FHAD1: variants seen among roughly 807,000 people sequenced by gnomAD.
FHAD1 encodes the protein forkhead associated phosphopeptide binding domain 1.
In FHAD1, 146 loss-of-function variants were observed where a neutral mutation model predicts 191.3. That is an observed-to-expected ratio of 0.76 (90% CI 0.67 to 0.88). The LOEUF is 0.88. FHAD1 is among the 40% of genes least tolerant of loss of function. The probability of loss-of-function intolerance (pLI) is 0.00; values close to 1 mark genes in which losing one functional copy is unlikely to be tolerated. For missense variants in FHAD1, 1,635 were observed against 1,785.8 expected, an observed-to-expected ratio of 0.92 and a Z score of 1.52; for synonymous variants, 616 against 672.3, an observed-to-expected ratio of 0.92 and a Z score of 1.29.
intron 26 of FHAD1, among the ~76,000 whole-genome samples, chr1:15,371,004 C>T (rs1697923534): frequency 1.3e-5 from 2 of 152,180 alleles, no homozygotes; most frequent in East Asian, 1.9e-4. Context: ...TCCTTGGCAT[C>T]GATTGCTGTC....
intron 2 of FHAD1, among the ~76,000 whole-genome samples, chr1:15,270,636 A>C (rs1406028248): frequency 2.6e-5 from 4 of 152,184 alleles, no homozygotes; most frequent in Admixed American, 2.6e-4. Context: ...AGTTGTCTAC[A>C]TGCAAGTACT....
Position 15,324,473 on chromosome 1 carries a change from G to A in FHAD1, c.1387G>A (p.Asp463Asn), listed in dbSNP as rs1558112206. The change falls in exon 11 of 34, where the codon GAT becomes AAT. Residue 463 changes from aspartate to asparagine, a missense_variant. Physicochemically the swap from Asp to Asn is conservative, Grantham distance 23 (BLOSUM62 1). Coordinates refer to ENST00000688493, the MANE Select transcript of FHAD1 (RefSeq NM_001391957.1). ...KSKVEEKLQE[D>N]SRRKLLQLQE... ...TCAGGTTGAAGAGAAGCTTCAGGAGGATTCCAGAAGGAAATTGCTTCAGCT... is the reference window on the plus strand; with the variant it reads ...TCAGGTTGAAGAGAAGCTTCAGGAGAATTCCAGAAGGAAATTGCTTCAGCT... The A allele has an allele frequency of 6.4e-7, 1 of 1,551,766 alleles. No homozygotes were observed. Among genetic ancestry groups the A allele is most frequent in the Non-Finnish European group, 8.7e-7 (1 of 1,146,628 alleles).
rs191781182 is a variant in FHAD1, at chr1:15,293,330, C to T, written c.569-3354C>T. 4.6e-5 allele frequency among the ~76,000 whole-genome samples: 7 copies of T among 152,304 alleles called. No individual in the cohort carries two copies. The East Asian group carries it at 1.3e-3, about 29-fold the overall frequency. On this transcript the variant is annotated intron_variant, in intron 4 of 33. Transcript: ENST00000688493. ...ATTAGAGACTCCTGTTCTAGATTCT[C>T]AAATACATGGAATCATGTAGTGTAT...
chr1:15,308,247 T>C lies in FHAD1; in HGVS notation c.916-366T>C, dbSNP rs79531854. On this transcript the variant is annotated intron_variant, in intron 6 of 33. Transcript: ENST00000688493. ...TAATTTTATAACATGCTTCCCTCTC[T>C]TGAACTTTGCTCTGTATCCAGTCAG... 5.3e-3 allele frequency among the ~76,000 whole-genome samples: 807 copies of C among 152,358 alleles called. 2 individuals are homozygous for C. Among genetic ancestry groups the C allele is most frequent in the Admixed American group, 8.0e-3 (122 of 15,304 alleles).
intron 33 of FHAD1, among the ~76,000 whole-genome samples, chr1:15,393,420 A>ACACACACG (rs1557469063): frequency 1.5e-5 from 2 of 133,694 alleles, no homozygotes; most frequent in African/African-American, 3.5e-5. Context: ...ATGTGGACAC[A>ACACACACG]CACACACACG....
At chr1:15,255,985 G>A (rs1273176418) in intron 2 of FHAD1, among the ~76,000 whole-genome samples, 1 of 152,194 alleles carries the variant, frequency 6.6e-6, no homozygotes, top group Non-Finnish European at 1.5e-5. Context: ...GCCTTGTGCA[G>A]AAACCAGGAG....
At chr1:15,375,535 C>T in intron 27 of FHAD1, 68 bp from the exon 28 acceptor site, 3 of 1,402,306 alleles carry the variant, frequency 2.1e-6, no homozygotes, top group Non-Finnish European at 2.8e-6. Context: ...TAAATAGTTG[C>T]TATGGTTATT....
At chr1:15,286,982 G>T (rs536364) in intron 3 of FHAD1, 2 of 152,046 alleles carry the variant, frequency 1.3e-5, no homozygotes, top group Non-Finnish European at 1.5e-5. Flanking sequence ...GAGTTTGCCC[G>T]CTGTCATCTT....
rs370553297 is a variant in FHAD1 at position 15,360,118 on chromosome 1, AAAC to A, written c.2737-345_2737-343del. ...ACAGAGCAAGACTCTGTCTCAAAAC[AAAC>A]AACAACAACAACAAAAAGTTTACAT... On this transcript the variant is annotated intron_variant, in intron 21 of 33. Transcript: ENST00000688493. Among the ~76,000 whole-genome samples, 704 of 152,308 alleles carry A rather than the reference AAAC, an allele frequency of 4.6e-3. 3 individuals carry two copies. Among genetic ancestry groups the A allele is most frequent in the Non-Finnish European group, 7.4e-3 (501 of 68,016 alleles).
chr1:15,243,634 G>A (rs373760293), upstream of FHAD1, among the ~76,000 whole-genome samples: 8 of 152,304 alleles, frequency 5.3e-5, no homozygotes, highest in Admixed American at 2.0e-4. Flanking sequence ...GAGATTTTAC[G>A]GGGGCAGAAG....
chr1:15,245,284 G>C (rs755810862), upstream of FHAD1, among the ~76,000 whole-genome samples: 4 of 151,998 alleles, frequency 2.6e-5, no homozygotes, highest in Non-Finnish European at 5.9e-5. Context: ...AGAGTGTTGA[G>C]GTTTTTATTT....
intron 25 of FHAD1, among the ~76,000 whole-genome samples, chr1:15,367,914 T>TA (rs1314995900): frequency 6.6e-6 from 1 of 152,166 alleles, no homozygotes; most frequent in Non-Finnish European, 1.5e-5. Context: ...GCACTCTGTC[T>TA]AACCTACCAC....
intron 20 of FHAD1, among the ~76,000 whole-genome samples, chr1:15,357,576 T>C (rs1693244934): frequency 1.5e-5 from 2 of 135,734 alleles, no homozygotes; most frequent in South Asian, 2.2e-4. Flanking sequence ...TGAGCTGAGA[T>C]AGCACCGTTG....
At chr1:15,250,984 A>G (rs1780608) in intron 1 of FHAD1, among the ~76,000 whole-genome samples, 44,140 of 151,904 alleles carry the variant, frequency 0.29, 7,424 homozygotes, top group Non-Finnish European at 0.39. Flanking sequence ...TACCTCACGT[A>G]TATTATTGCA....
In FHAD1 at chr1:15,325,474, A is replaced by G. The variant is rs1029890870; in HGVS notation, c.1473+915A>G. ...AGCTCCCAAAGCCCTTCCATTTTCT[A>G]CCATCCAAGCCTTACCAGGCAGTGT... On this transcript the variant is annotated intron_variant, in intron 11 of 33. Coordinates refer to ENST00000688493, the MANE Select transcript of FHAD1 (RefSeq NM_001391957.1). This position sits in a 1 kb window ranked among gnomAD's most constrained non-coding sequence, Gnocchi z 4.6. 3.3e-5 allele frequency: 5 copies of G among 152,170 alleles called. No individual in the cohort carries two copies. Among genetic ancestry groups the G allele is most frequent in the African/African-American group, 1.2e-4 (5 of 41,380 alleles). The allele number at this position is 152,170 out of a possible 1,614,324, so 9.4% of individuals were successfully genotyped here.
In FHAD1 at chr1:15,352,927, G is replaced by A. The variant is rs1280484565; in HGVS notation, c.2505G>A (p.Met835Ile). ...AYEKRKAKEAMEKEKKKVQDL... is the reference protein window; with the variant it reads ...AYEKRKAKEAIEKEKKKVQDL... Reference sequence around the variant, plus strand: ...AGAAACGCAAAGCAAAGGAGGCCATGGAGAAGGAAAAGAAAAAGGTGCAAG... The same window carrying A: ...AGAAACGCAAAGCAAAGGAGGCCATAGAGAAGGAAAAGAAAAAGGTGCAAG... Residue 835 changes from methionine to isoleucine, a missense_variant, in exon 20 of 34, where the codon ATG becomes ATA. Transcript: ENST00000688493. The A allele has an allele frequency of 1.3e-6, 2 of 1,551,324 alleles. No individual in the cohort carries two copies. The highest frequency in any genetic ancestry group is 1.7e-6 in the Non-Finnish European group (2 of 1,146,982).
chr1:15,241,541 T>C (rs1394521269), intron 1 of FHAD1, among the ~76,000 whole-genome samples: 1 of 151,948 alleles, frequency 6.6e-6, no homozygotes, highest in Non-Finnish European at 1.5e-5. Flanking sequence ...TCCCAGCTAC[T>C]TGGGAGGCTG....
chr1:15,352,192 A>G (rs545779401), intron 19 of FHAD1, among the ~76,000 whole-genome samples: 1 of 152,276 alleles, frequency 6.6e-6, no homozygotes, highest in South Asian at 2.1e-4. Context: ...TATATTTAAA[A>G]TCCTTTTCTT....
Position 15,382,033 on chromosome 1 carries a change from G to T in FHAD1, c.4028G>T (p.Ser1343Ile), listed in dbSNP as rs763547758. The change falls in exon 31 of 34, where the codon AGC becomes ATC. Residue 1343 changes from serine (S) to isoleucine (I), a missense_variant. Physicochemically the swap from Ser to Ile is moderately radical, Grantham distance 142. Transcript: ENST00000688493. Reference protein sequence around the residue: ...YEKDVEQLRRSKVSIEMYQSQ... With the variant: ...YEKDVEQLRRIKVSIEMYQSQ... Reference sequence around the variant, plus strand: ...CATCTCTCCTGTGCACCCAGGCGGAGCAAAGTGTCCATTGAGATGTACCAG... The same window carrying T: ...CATCTCTCCTGTGCACCCAGGCGGATCAAAGTGTCCATTGAGATGTACCAG... The T allele has an allele frequency of 6.4e-7, 1 of 1,552,074 alleles. No individual in the cohort carries two copies. Among genetic ancestry groups the T allele is most frequent in the South Asian group, 1.2e-5 (1 of 84,052 alleles).
Sources: gnomAD v4.1 joint callset for allele counts (sites outside exome capture counted in the v4.1 genomes callset) on GRCh38, gnomAD v4.1.1 for gene constraint, Gnocchi (gnomAD v3.1) non-coding constraint, MANE v1.5 for transcripts, NCBI Gene and HGNC (gene_info 2026-07-23, HGNC 2026-07-21) for gene names.